The following PRLR variants were observed in gnomAD, a reference collection of about 807,000 sequenced individuals.
PRLR encodes the protein hPRL receptor.
PRLR carries 13 observed loss-of-function variants against 40.2 expected under a neutral mutation model. The ratio of observed to expected loss-of-function variants is 0.32; its 90% CI spans 0.21 to 0.51. The LOEUF is 0.51. PRLR is among the 20% of genes least tolerant of loss of function. The probability of loss-of-function intolerance (pLI) is 0.97; values close to 1 mark genes in which losing one functional copy is unlikely to be tolerated. For synonymous variants in PRLR, 269 were observed against 278.7 expected (o/e 0.97, Z 0.35); for missense variants, 656 against 747.3 (o/e 0.88, Z 1.42).
At chr5:35,123,822 C>T (rs1773370515) in intron 1 of PRLR, among the ~76,000 whole-genome samples, 1 of 152,172 alleles carries the variant, frequency 6.6e-6, no homozygotes, top group Non-Finnish European at 1.5e-5. Flanking sequence ...TTCTACCCTC[C>T]CACCCCCATC....
intron 1 of PRLR, among the ~76,000 whole-genome samples, chr5:35,219,150 C>T (rs935834063): frequency 3.3e-5 from 5 of 152,170 alleles, no homozygotes; most frequent in East Asian, 1.9e-4. Flanking sequence ...GTCCAACTCC[C>T]GGAAGCCCGG....
intron 1 of PRLR, among the ~76,000 whole-genome samples, chr5:35,142,905 A>G (rs1774064667): frequency 6.6e-6 from 1 of 152,234 alleles, no homozygotes; most frequent in Non-Finnish European, 1.5e-5. Context: ...TATAAGCTTG[A>G]GTGATAATAG....
chr5:35,109,652 C>G (rs1190596527), intron 2 of PRLR, among the ~76,000 whole-genome samples: 2 of 152,134 alleles, frequency 1.3e-5, no homozygotes, highest in African/African-American at 4.8e-5. Flanking sequence ...AAATGCAAAT[C>G]AAAACCACAA....
chr5:35,097,528 C>T (rs1174668261), intron 2 of PRLR, among the ~76,000 whole-genome samples: 1 of 152,154 alleles, frequency 6.6e-6, no homozygotes, highest in Non-Finnish European at 1.5e-5. Flanking sequence ...TCTGTGCTAA[C>T]TATCACACTT....
At chr5:35,219,582 C>G (rs1424158244) in intron 1 of PRLR, among the ~76,000 whole-genome samples, 1 of 152,144 alleles carries the variant, frequency 6.6e-6, no homozygotes, top group African/African-American at 2.4e-5. Flanking sequence ...AGCAGGAAGG[C>G]CTTGGTAAAC....
At chr5:35,101,481 T>C (rs1196026881) in intron 2 of PRLR, among the ~76,000 whole-genome samples, 1 of 152,058 alleles carries the variant, frequency 6.6e-6, no homozygotes, top group Non-Finnish European at 1.5e-5. Context: ...GTAGCTGAAG[T>C]GAATAAAAAT....
chr5:35,215,918 G>T (rs942345065), intron 1 of PRLR, among the ~76,000 whole-genome samples: 2 of 148,784 alleles, frequency 1.3e-5, no homozygotes, highest in East Asian at 4.0e-4. Context: ...ACGCACATCT[G>T]TTCCAGCTAC....
chr5:35,212,939 T>C (rs1207681269), intron 1 of PRLR, among the ~76,000 whole-genome samples: 1 of 152,128 alleles, frequency 6.6e-6, no homozygotes, highest in Non-Finnish European at 1.5e-5. Flanking sequence ...ATTCCCCTAC[T>C]CCCAATGAAT....
At chr5:35,116,322 A>T (rs907871579) in intron 2 of PRLR, among the ~76,000 whole-genome samples, 8 of 152,134 alleles carry the variant, frequency 5.3e-5, no homozygotes, top group East Asian at 3.8e-4. Context: ...AATTTTTTTT[A>T]AAAAAGGATT....
intron 1 of PRLR, among the ~76,000 whole-genome samples, chr5:35,188,170 G>C (rs1016677596): frequency 6.6e-6 from 1 of 152,146 alleles, no homozygotes; most frequent in East Asian, 1.9e-4. Flanking sequence ...CTGGAAAGTC[G>C]GGCTTTTCGA....
chr5:35,156,400 T>C (rs1205989238), intron 1 of PRLR, among the ~76,000 whole-genome samples: 2 of 152,212 alleles, frequency 1.3e-5, no homozygotes. Flanking sequence ...GGAGCCAGAA[T>C]ACTTCTTTTA....
intron 7 of PRLR, among the ~76,000 whole-genome samples, chr5:35,069,225 A>G: frequency 6.6e-6 from 1 of 152,194 alleles, no homozygotes; most frequent in South Asian, 2.1e-4. Flanking sequence ...ATGGTGTTAA[A>G]CTCTTTGCCT....
At chr5:35,077,404 C>A (rs1057228848) in intron 5 of PRLR, among the ~76,000 whole-genome samples, 1 of 152,076 alleles carries the variant, frequency 6.6e-6, no homozygotes, top group East Asian at 1.9e-4. Flanking sequence ...GGTTGCAATC[C>A]TACTCTCTGA....
intron 1 of PRLR, among the ~76,000 whole-genome samples, chr5:35,192,230 T>A (rs1009270722): frequency 6.6e-6 from 1 of 152,218 alleles, no homozygotes; most frequent in African/African-American, 2.4e-5. Flanking sequence ...AGTGAACGAA[T>A]GACACATAGT....
intron 1 of PRLR, among the ~76,000 whole-genome samples, chr5:35,151,609 C>T (rs1313876859): frequency 6.6e-6 from 1 of 152,060 alleles, no homozygotes; most frequent in Non-Finnish European, 1.5e-5. Flanking sequence ...TCTCTTAGAG[C>T]ATCCATTGTC....
chr5:35,226,003 G>A (rs918653797), intron 1 of PRLR, among the ~76,000 whole-genome samples: 1 of 152,144 alleles, frequency 6.6e-6, no homozygotes, highest in Non-Finnish European at 1.5e-5. Flanking sequence ...CTTTTTGGGG[G>A]GAATACTAGG....
At chr5:35,106,503 A>G (rs1381723364) in intron 2 of PRLR, among the ~76,000 whole-genome samples, 1 of 152,212 alleles carries the variant, frequency 6.6e-6, no homozygotes, top group East Asian at 1.9e-4. Flanking sequence ...AGAGACACAC[A>G]TAGGCTCAAA....
At position 35,081,518 on chromosome 5, in the gene PRLR, T is replaced by C. The variant is rs899679574; in HGVS notation, c.373+2952A>G. On this transcript the variant is annotated intron_variant, in intron 5 of 9. Coordinates refer to ENST00000618457, the MANE Select transcript of PRLR (RefSeq NM_000949.7). ...AGGGCCCCTTCATAGGCTGCAGGGT[T>C]ATACGAGAGTTCCGTGGGCACTTCT... 2 of 162,466 alleles carry C rather than the reference T, an allele frequency of 1.2e-5. 1 individual carries two copies. The allele number at this position is 162,466 out of a possible 1,614,324, so 10.1% of individuals were successfully genotyped here. A position where few individuals can be genotyped will look rare whatever the true frequency, so the allele number is the denominator to read the frequency against.
At chr5:35,214,357 A>G (rs1005869629) in intron 1 of PRLR, among the ~76,000 whole-genome samples, 4 of 152,352 alleles carry the variant, frequency 2.6e-5, no homozygotes, top group Admixed American at 6.5e-5. Flanking sequence ...AAAGCACCAA[A>G]TCAACAAACT....
Sources: allele counts gnomAD v4.1 joint callset (sites outside exome capture counted in the v4.1 genomes callset), GRCh38; gene constraint gnomAD v4.1.1; transcripts MANE v1.5; gene names NCBI Gene and HGNC (gene_info 2026-07-23, HGNC 2026-07-21).